The following DGKB variants were observed in gnomAD, a reference collection of about 807,000 sequenced individuals.
DGKB encodes 90 kDa diacylglycerol kinase.
A neutral mutation model predicts 114.3 loss-of-function variants in DGKB; 67 were observed. That is an observed-to-expected ratio of 0.59 (90% CI 0.48 to 0.72). DGKB has a LOEUF of 0.72. Among genes scored for constraint, DGKB ranks in the 30% least tolerant of loss-of-function variants. The pLI is 0.00. For synonymous variants in DGKB, 398 were observed against 323.1 expected (o/e 1.23, Z -2.49); for missense variants, 907 against 975.2 (o/e 0.93, Z 0.93).
intron 20 of DGKB, among the ~76,000 whole-genome samples, chr7:14,484,572 T>G (rs1220110460): frequency 6.6e-6 from 1 of 152,306 alleles, no homozygotes; most frequent in East Asian, 1.9e-4. Context: ...GCCATGATTG[T>G]AAGCTTCCTC....
chr7:14,835,730 T>C lies in DGKB; in HGVS notation c.70+5464A>G, dbSNP rs1020082091. 3.9e-5 allele frequency among the ~76,000 whole-genome samples: 6 copies of C among 152,326 alleles called. No homozygotes were observed. In the South Asian group the frequency reaches 1.0e-3, roughly 26 times the overall value. On this transcript the variant is annotated intron_variant, in intron 2 of 25. Coordinates refer to ENST00000402815, the MANE Select transcript of DGKB (RefSeq NM_001350709.2). ...CTTTCAGGACCGAGATATCGTATTATCTGAATCCTGGATTCTAGCTTTTCC... is the reference window on the plus strand; with the variant it reads ...CTTTCAGGACCGAGATATCGTATTACCTGAATCCTGGATTCTAGCTTTTCC...
chr7:14,899,631 G>A (rs567059386), intron 1 of DGKB, among the ~76,000 whole-genome samples: 1 of 151,900 alleles, frequency 6.6e-6, no homozygotes, highest in African/African-American at 2.4e-5. Flanking sequence ...TTCCTTCCTG[G>A]AAATGTCCCC....
At chr7:14,258,202 C>A (rs38285) in intron 23 of DGKB, among the ~76,000 whole-genome samples, 1 of 152,084 alleles carries the variant, frequency 6.6e-6, no homozygotes, top group South Asian at 2.1e-4. Flanking sequence ...TAGAACAGTA[C>A]GACTTTGTGA....
chr7:14,582,441 C>A (rs1028246959), intron 18 of DGKB, among the ~76,000 whole-genome samples: 4 of 152,162 alleles, frequency 2.6e-5, no homozygotes, highest in Non-Finnish European at 5.9e-5. Flanking sequence ...TAGAATAAGG[C>A]TTAACTGTGC....
At chr7:14,828,408 G>A (rs889062072) in intron 2 of DGKB, among the ~76,000 whole-genome samples, 3 of 152,126 alleles carry the variant, frequency 2.0e-5, no homozygotes, top group East Asian at 3.9e-4. Flanking sequence ...CAACTCATAC[G>A]ATGTGTCTTA....
intron 17 of DGKB, among the ~76,000 whole-genome samples, chr7:14,591,970 A>G (rs975889724): frequency 6.6e-6 from 1 of 152,088 alleles, no homozygotes; most frequent in African/African-American, 2.4e-5. Flanking sequence ...CAGAATTCTT[A>G]ACATCAATAC....
intron 17 of DGKB, among the ~76,000 whole-genome samples, chr7:14,605,644 C>T (rs1231971726): frequency 6.6e-6 from 1 of 151,458 alleles, no homozygotes; most frequent in Non-Finnish European, 1.5e-5. Flanking sequence ...ATGCCTAGAA[C>T]TGAAAGAGTA....
chr7:14,705,469 G>A (rs200792374), intron 6 of DGKB, among the ~76,000 whole-genome samples: 2 of 151,290 alleles, frequency 1.3e-5, no homozygotes, highest in South Asian at 2.1e-4. Context: ...TACAGAGAAC[G>A]CCACAAAGAT....
At chr7:14,475,659 C>G (rs981959480) in intron 21 of DGKB, among the ~76,000 whole-genome samples, 3 of 152,064 alleles carry the variant, frequency 2.0e-5, no homozygotes, top group Admixed American at 6.6e-5. Context: ...CAAAGACTCC[C>G]TATAAGCTAT....
intron 13 of DGKB, among the ~76,000 whole-genome samples, chr7:14,662,887 T>A (rs1002014467): frequency 1.3e-5 from 2 of 151,828 alleles, no homozygotes; most frequent in African/African-American, 4.8e-5. Context: ...AAATTTTGTA[T>A]GATTACATAG....
intron 25 of DGKB, among the ~76,000 whole-genome samples, chr7:14,174,164 C>T (rs539343151): frequency 4.7e-4 from 72 of 152,010 alleles, no homozygotes; most frequent in Admixed American, 6.6e-4. Context: ...CAGCATGCAC[C>T]GGGGCCATTT....
At chr7:14,392,995 G>GTTTTTGTTTTTTTTTTTTTTTTTT in intron 21 of DGKB, among the ~76,000 whole-genome samples, 1,031 of 60,494 alleles carry the variant, frequency 0.017, 363 homozygotes, top group Non-Finnish European at 0.027. Context: ...TTTTGTTTTT[G>GTTTTTGTTTTTTTTTTTTTTTTTT]TTTTTTTTTT....
intron 23 of DGKB, among the ~76,000 whole-genome samples, chr7:14,248,893 T>TGA (rs951997887): frequency 6.6e-6 from 1 of 152,142 alleles, no homozygotes; most frequent in Non-Finnish European, 1.5e-5. Context: ...AAACAAGTGT[T>TGA]GAGAGAGAGC....
rs550259869 is a variant in DGKB, at chr7:14,210,288, C to A, written c.2123-32137G>T. Reference sequence around the variant, plus strand: ...TGCCTCCGTTACTGGGGGCAAATGCCTGACTCTTTAACTCAATACAAAGGC... The same window carrying A: ...TGCCTCCGTTACTGGGGGCAAATGCATGACTCTTTAACTCAATACAAAGGC... On this transcript the variant is annotated intron_variant, in intron 23 of 25. Coordinates refer to ENST00000402815, the MANE Select transcript of DGKB (RefSeq NM_001350709.2). Among the ~76,000 whole-genome samples, 4 of 152,124 alleles carry A rather than the reference C, an allele frequency of 2.6e-5. No individual in the cohort carries two copies. In the South Asian group the frequency reaches 8.3e-4, roughly 32 times the overall value.
At chr7:14,880,362 G>A (rs1854037717) in intron 1 of DGKB, among the ~76,000 whole-genome samples, 1 of 152,150 alleles carries the variant, frequency 6.6e-6, no homozygotes, top group African/African-American at 2.4e-5. Context: ...GGAGGCTGAG[G>A]TAGAAGAATT....
intron 9 of DGKB, among the ~76,000 whole-genome samples, chr7:14,688,846 TAAA>T (rs1822188486): frequency 1.8e-5 from 1 of 54,660 alleles, no homozygotes; most frequent in African/African-American, 9.4e-5. Flanking sequence ...CTAGTGATTC[TAAA>T]GTTTTAGTTT....
chr7:14,700,212 A>AAT (rs1491167880), intron 7 of DGKB, among the ~76,000 whole-genome samples: 3 of 131,190 alleles, frequency 2.3e-5, no homozygotes, highest in African/African-American at 8.3e-5. Context: ...TTGAAAAAAA[A>AAT]TTTTTTTTTT....
At chr7:14,650,136 C>T (rs1418734827) in intron 13 of DGKB, among the ~76,000 whole-genome samples, 1 of 145,294 alleles carries the variant, frequency 6.9e-6, no homozygotes, top group African/African-American at 2.6e-5. Context: ...CAGCTCTGCA[C>T]CAAGTGGACC....
chr7:14,724,487 T>C (rs566622379), intron 5 of DGKB, among the ~76,000 whole-genome samples: 2 of 152,304 alleles, frequency 1.3e-5, no homozygotes, highest in African/African-American at 2.4e-5. Context: ...GATATGAAAC[T>C]GGGATCAGAC....
Sources: gnomAD v4.1 joint callset for allele counts (sites outside exome capture counted in the v4.1 genomes callset) on GRCh38, gnomAD v4.1.1 for gene constraint, MANE v1.5 for transcripts, NCBI Gene and HGNC (gene_info 2026-07-23, HGNC 2026-07-21) for gene names.